The following PPP1R9A variants were observed in gnomAD, a reference collection of about 807,000 sequenced individuals.
PPP1R9A encodes the protein neurabin-1.
In PPP1R9A, 59 loss-of-function variants were observed where a neutral mutation model predicts 141.9. The observed-to-expected ratio is 0.42, with a 90% CI of 0.34 to 0.52. PPP1R9A has a LOEUF of 0.52. PPP1R9A is among the 20% of genes least tolerant of loss of function. The probability of loss-of-function intolerance (pLI) is 0.10; values close to 1 mark genes in which losing one functional copy is unlikely to be tolerated. For synonymous variants in PPP1R9A, 500 were observed against 569.7 expected, an observed-to-expected ratio of 0.88 and a Z score of 1.74; for missense variants, 1,444 against 1,611.9, an observed-to-expected ratio of 0.90 and a Z score of 1.78.
rs147728676 is a variant in PPP1R9A, at chr7:95,126,250, G to A, written c.1649+5418G>A. ...TGGTGGCTTTGTTGACAAAAGCCCC[G>A]TGAGGTAGGGTTATTTTTTTTCCCT... On this transcript the variant is annotated intron_variant, in intron 4 of 19. Coordinates refer to ENST00000433360, the MANE Select transcript of PPP1R9A (RefSeq NM_001166160.2). 1.0e-3 allele frequency among the ~76,000 whole-genome samples: 154 copies of A among 152,224 alleles called. 2 individuals carry two copies. The highest frequency in any genetic ancestry group is 3.3e-3 in the East Asian group (17 of 5,184).
chr7:95,285,601 T>A (rs1240782216), intron 17 of PPP1R9A, among the ~76,000 whole-genome samples: 1 of 152,222 alleles, frequency 6.6e-6, no homozygotes, highest in African/African-American at 2.4e-5. Context: ...CTGTGCTGTG[T>A]GGCAGCCTCT....
chr7:95,217,198 A>T (rs1298331220), intron 7 of PPP1R9A, among the ~76,000 whole-genome samples: 1 of 152,152 alleles, frequency 6.6e-6, no homozygotes, highest in Admixed American at 6.6e-5. Context: ...ATTTTGTCAA[A>T]GGCCTTTTCT....
intron 2 of PPP1R9A, among the ~76,000 whole-genome samples, chr7:94,949,716 G>C (rs1796255236): frequency 6.6e-6 from 1 of 151,928 alleles, no homozygotes; most frequent in Admixed American, 6.6e-5. Context: ...CTGGGGGAGG[G>C]TGGGGTGGTG....
intron 2 of PPP1R9A, among the ~76,000 whole-genome samples, chr7:94,964,734 T>C (rs1798015049): frequency 4.6e-5 from 7 of 152,238 alleles, no homozygotes; most frequent in Admixed American, 4.6e-4. Flanking sequence ...CAGTCTGTCA[T>C]TGATGGGCAT....
At chr7:94,990,903 A>C (rs1419785785) in intron 2 of PPP1R9A, among the ~76,000 whole-genome samples, 1 of 152,108 alleles carries the variant, frequency 6.6e-6, no homozygotes, top group Non-Finnish European at 1.5e-5. Flanking sequence ...ATGGCTGAAT[A>C]GTACTCCATT....
At chr7:95,269,938 A>G (rs1346152218) in intron 14 of PPP1R9A, among the ~76,000 whole-genome samples, 2 of 152,224 alleles carry the variant, frequency 1.3e-5, no homozygotes, top group Non-Finnish European at 2.9e-5. Context: ...CAGGCATATA[A>G]TTGATACTTA....
At chr7:94,946,256 T>G (rs1459019778) in intron 2 of PPP1R9A, among the ~76,000 whole-genome samples, 1 of 152,150 alleles carries the variant, frequency 6.6e-6, no homozygotes, top group Non-Finnish European at 1.5e-5. Context: ...ACTGGTTTCT[T>G]CTGTCTGATT....
chr7:94,975,369 T>G (rs854723), intron 2 of PPP1R9A, among the ~76,000 whole-genome samples: 79,122 of 133,140 alleles, frequency 0.59, 23,121 homozygotes, highest in African/African-American at 0.69. Flanking sequence ...TTTTTTTTTT[T>G]TTTTTTTTTT....
At chr7:94,955,238 A>G (rs1226518425) in intron 2 of PPP1R9A, among the ~76,000 whole-genome samples, 1 of 152,090 alleles carries the variant, frequency 6.6e-6, no homozygotes, top group Non-Finnish European at 1.5e-5. Context: ...GCAACTGTAA[A>G]TAGCACACTA....
chr7:95,023,988 C>G (rs574769984), intron 2 of PPP1R9A, among the ~76,000 whole-genome samples: 1 of 152,260 alleles, frequency 6.6e-6, no homozygotes, highest in African/African-American at 2.4e-5. Context: ...TATGTTGTGT[C>G]TTTGTTTTCA....
chr7:95,290,065 A>G, intron 19 of PPP1R9A, 26 bp from the exon 20 acceptor site: 1 of 1,607,552 alleles, frequency 6.2e-7, no homozygotes, highest in Non-Finnish European at 8.5e-7. Flanking sequence ...TTTCAAATTC[A>G]GTTTGTGTGT....
intron 7 of PPP1R9A, among the ~76,000 whole-genome samples, chr7:95,209,678 G>A (rs1418102263): frequency 6.6e-6 from 1 of 152,112 alleles, no homozygotes; most frequent in Non-Finnish European, 1.5e-5. Context: ...TGACATTTGT[G>A]TTGGTTTTAC....
chr7:95,165,311 T>C (rs1212403240), intron 5 of PPP1R9A, among the ~76,000 whole-genome samples: 1 of 152,218 alleles, frequency 6.6e-6, no homozygotes, highest in Non-Finnish European at 1.5e-5. Flanking sequence ...TTCATCCTGC[T>C]CTTTTGGATC....
intron 2 of PPP1R9A, among the ~76,000 whole-genome samples, chr7:95,089,527 C>T (rs1004298766): frequency 2.0e-5 from 3 of 151,980 alleles, no homozygotes; most frequent in African/African-American, 7.3e-5. Flanking sequence ...TTTTGTCCTT[C>T]CCTTAAATTG....
chr7:95,026,919 C>T (rs1806932627), intron 2 of PPP1R9A, among the ~76,000 whole-genome samples: 4 of 152,072 alleles, frequency 2.6e-5, no homozygotes, highest in South Asian at 2.1e-4. Context: ...TCAGCAATGG[C>T]GGACACCCCT....
At chr7:95,117,431 A>G (rs1309918764) in intron 3 of PPP1R9A, among the ~76,000 whole-genome samples, 1 of 152,050 alleles carries the variant, frequency 6.6e-6, no homozygotes, top group Non-Finnish European at 1.5e-5. Flanking sequence ...TTCAGTCATC[A>G]TGTTGTCCTT....
In PPP1R9A at chr7:95,295,636, G is replaced by A. The variant is rs1563587303; in HGVS notation, c.*5333G>A. 6.6e-6 allele frequency: 1 copy of A among 152,178 alleles called. No individual in the cohort carries two copies. The highest frequency in any genetic ancestry group is 6.5e-5 in the Admixed American group (1 of 15,278). The allele number at this position is 152,178 out of a possible 1,614,324, so 9.4% of individuals were successfully genotyped here. On this transcript the variant is annotated 3_prime_UTR_variant, in exon 20 of 20. Coordinates refer to ENST00000433360, the MANE Select transcript of PPP1R9A (RefSeq NM_001166160.2). ...TTGCCAAAAACAACACAAGTGGTTG[G>A]GAGTGTATGTTGTTGGAAGGTGTAC...
chr7:95,239,768 A>G (rs970342861), intron 8 of PPP1R9A, among the ~76,000 whole-genome samples: 5 of 151,834 alleles, frequency 3.3e-5, no homozygotes, highest in African/African-American at 1.2e-4. Flanking sequence ...GGACAAAATA[A>G]AAATTAAAAT....
intron 8 of PPP1R9A, among the ~76,000 whole-genome samples, chr7:95,233,019 G>T (rs1215813271): frequency 6.6e-6 from 1 of 152,140 alleles, no homozygotes; most frequent in Non-Finnish European, 1.5e-5. Context: ...CCATTACTGG[G>T]TATATACCCA....
Sources: allele counts gnomAD v4.1 joint callset (sites outside exome capture counted in the v4.1 genomes callset), GRCh38; gene constraint gnomAD v4.1.1; transcripts MANE v1.5; gene names NCBI Gene and HGNC (gene_info 2026-07-23, HGNC 2026-07-21).